The following PTPRQ variants were observed in gnomAD, a reference collection of about 807,000 sequenced individuals.
The protein encoded by PTPRQ is protein tyrosine phosphatase receptor type Q.
PTPRQ carries 199 observed loss-of-function variants against 246.0 expected under a neutral mutation model. That is an observed-to-expected ratio of 0.81 (90% CI 0.72 to 0.91). PTPRQ has a LOEUF of 0.91. Ranked by LOEUF, PTPRQ falls within the 40% of genes least tolerant of loss-of-function variation. The pLI is 0.00. For missense variants in PTPRQ, 2,624 were observed against 2,528.4 expected, an observed-to-expected ratio of 1.04 and a Z score of -0.81; for synonymous variants, 869 against 853.2, an observed-to-expected ratio of 1.02 and a Z score of -0.32.
chr12:80,575,422 C>CA (rs934160900), intron 25 of PTPRQ, among the ~76,000 whole-genome samples: 68 of 145,076 alleles, frequency 4.7e-4, no homozygotes, highest in South Asian at 2.0e-3. Flanking sequence ...CCCGTTAGTA[C>CA]AAAAAAAAAA....
chr12:80,598,580 C>T (rs1201612062), intron 26 of PTPRQ, among the ~76,000 whole-genome samples: 1 of 151,896 alleles, frequency 6.6e-6, no homozygotes, highest in African/African-American at 2.4e-5. Flanking sequence ...GAGTCAAAGT[C>T]GACTTGTAGT....
At chr12:80,488,012 A>C (rs1171790162) in intron 9 of PTPRQ, among the ~76,000 whole-genome samples, 2 of 151,228 alleles carry the variant, frequency 1.3e-5, no homozygotes, top group Non-Finnish European at 2.9e-5. Context: ...GTTTTGGCAG[A>C]TTTTATTTCC....
At chr12:80,449,554 A>C (rs1427137260) in intron 3 of PTPRQ, among the ~76,000 whole-genome samples, 2 of 151,986 alleles carry the variant, frequency 1.3e-5, no homozygotes, top group Non-Finnish European at 2.9e-5. Flanking sequence ...ATTTTTGTAT[A>C]AGGTGTAAGG....
chr12:80,460,620 T>C (rs1893130553), intron 5 of PTPRQ, 33 bp from the exon 6 acceptor site: 3 of 398,372 alleles, frequency 7.5e-6, no homozygotes, highest in Non-Finnish European at 1.3e-5. Flanking sequence ...AGATACAACA[T>C]TATTTCTCTA....
intron 33 of PTPRQ, among the ~76,000 whole-genome samples, chr12:80,627,443 A>G (rs1899249755): frequency 6.6e-6 from 1 of 151,180 alleles, no homozygotes; most frequent in South Asian, 2.1e-4. Flanking sequence ...AGGGAGAAAT[A>G]AGGAGGAAAA....
intron 17 of PTPRQ, among the ~76,000 whole-genome samples, chr12:80,512,115 A>G (rs1044861851): frequency 3.3e-5 from 5 of 152,192 alleles, no homozygotes; most frequent in Non-Finnish European, 7.3e-5. Context: ...AAAGAGAAGA[A>G]TCAAAGATGA....
chr12:80,549,741 A>G lies in PTPRQ; in HGVS notation c.4285+7A>G. Reference sequence around the variant, plus strand: ...AGCACACTACCTGAAACAGGTAACTAACGTGAAACAGGTAACTAACATGAA... The same window carrying G: ...AGCACACTACCTGAAACAGGTAACTGACGTGAAACAGGTAACTAACATGAA... On this transcript the variant is annotated splice_region_variant and intron_variant, in intron 25 of 44. Transcript: ENST00000644991. 7.3e-7 allele frequency: 1 copy of G among 1,366,258 alleles called. No individual in the cohort carries two copies. Among genetic ancestry groups the G allele is most frequent in the Non-Finnish European group, 1.0e-6 (1 of 998,136 alleles). The allele number at this position is 1,366,258 out of a possible 1,614,324, so 84.6% of individuals were successfully genotyped here.
At chr12:80,558,221 G>A (rs1896718593) in intron 25 of PTPRQ, among the ~76,000 whole-genome samples, 2 of 142,198 alleles carry the variant, frequency 1.4e-5, no homozygotes, top group South Asian at 2.2e-4. Flanking sequence ...AGTCTGGAGT[G>A]CAGTGGTGCG....
chr12:80,615,397 G>T lies in PTPRQ; in HGVS notation c.5164-803G>T, dbSNP rs531790910. On this transcript the variant is annotated intron_variant, in intron 29 of 44. Transcript: ENST00000644991. ...ATTAAGTAATTCCAATAAACATTTC[G>T]TATACTGAATTGGGTTTATCGAGTA... Among the ~76,000 whole-genome samples the T allele has an allele frequency of 1.1e-4, 16 of 150,946 alleles. No homozygotes were observed. The South Asian group carries it at 2.5e-3, about 24-fold the overall frequency.
intron 39 of PTPRQ, among the ~76,000 whole-genome samples, chr12:80,662,817 C>A (rs1366228528): frequency 3.3e-5 from 5 of 151,958 alleles, no homozygotes; most frequent in African/African-American, 1.2e-4. Context: ...GCTTTAAAAA[C>A]CAGTAAACTC....
intron 33 of PTPRQ, 108 bp downstream of exon 33, chr12:80,622,242 A>C: frequency 1.0e-6 from 1 of 961,558 alleles, no homozygotes. Flanking sequence ...ATATAAACTC[A>C]TTTAAATGTT....
At chr12:80,468,894 T>C in intron 7 of PTPRQ, 56 bp downstream of exon 7, 1 of 1,520,856 alleles carries the variant, frequency 6.6e-7, no homozygotes. Flanking sequence ...TAAAATATGT[T>C]ACCAATATCA....
At chr12:80,660,087 G>T (rs1313612653) in intron 39 of PTPRQ, among the ~76,000 whole-genome samples, 7 of 152,000 alleles carry the variant, frequency 4.6e-5, no homozygotes, top group Non-Finnish European at 1.0e-4. Flanking sequence ...ACTTCCAATT[G>T]AAAGTTTATG....
In PTPRQ at chr12:80,679,076, A is replaced by C; in HGVS notation, c.*53A>C. 6.5e-7 allele frequency: 1 copy of C among 1,530,812 alleles called. No homozygotes were observed. The highest frequency in any genetic ancestry group is 8.8e-7 in the Non-Finnish European group (1 of 1,138,816). 94.8% of individuals were successfully genotyped at this position (1,530,812 alleles called of 1,614,324 possible). A position where few individuals can be genotyped will look rare whatever the true frequency, so the allele number is the denominator to read the frequency against. ...AGAGATTTTTAAATCCCAGGGGCCA[A>C]AGTTACCCCCTCATTCTTCCGAATT... On this transcript the variant is annotated 3_prime_UTR_variant, in exon 45 of 45. Transcript: ENST00000644991.
At chr12:80,623,851 G>A (rs971066295) in intron 33 of PTPRQ, among the ~76,000 whole-genome samples, 1 of 152,026 alleles carries the variant, frequency 6.6e-6, no homozygotes, top group Admixed American at 6.6e-5. Context: ...TAAAAGGGGG[G>A]GAGCGCCAAG....
At chr12:80,648,666 A>G (rs1441561888) in intron 35 of PTPRQ, among the ~76,000 whole-genome samples, 1 of 152,142 alleles carries the variant, frequency 6.6e-6, no homozygotes, top group Non-Finnish European at 1.5e-5. Flanking sequence ...TATAATAACA[A>G]CAACATCTTT....
chr12:80,606,450 C>G (rs1026730245), intron 27 of PTPRQ, among the ~76,000 whole-genome samples: 4 of 150,768 alleles, frequency 2.7e-5, no homozygotes, highest in African/African-American at 9.7e-5. Flanking sequence ...AAAGTCAAAC[C>G]CTTCATATAA....
At position 80,672,467 on chromosome 12, in the gene PTPRQ, G is replaced by A. The variant is rs143861691; in HGVS notation, c.6603-702G>A. Among the ~76,000 whole-genome samples the A allele has an allele frequency of 2.3e-3, 345 of 151,854 alleles. 2 individuals are homozygous for A. The highest frequency in any genetic ancestry group is 0.01 in the Middle Eastern group (3 of 294). On this transcript the variant is annotated intron_variant, in intron 42 of 44. Transcript: ENST00000644991. ...GTTCAAAGTAATATTTATAAGACTA[G>A]ATGAACTTTCAAAAATTTTTTTCGA...
At position 80,669,052 on chromosome 12, in the gene PTPRQ, C is replaced by G. The variant is rs1900879210; in HGVS notation, c.6238C>G (p.Pro2080Ala). 6.5e-7 allele frequency: 1 copy of G among 1,550,286 alleles called. No homozygotes were observed. ...ATTTATTGCTACTCAAGGTCCACTA[C>G]CAGGAACAGTTGGAGATTTTTGGAG... ...NEFIATQGPLPGTVGDFWRMV... is the reference protein window; with the variant it reads ...NEFIATQGPLAGTVGDFWRMV... Residue 2080 changes from proline (P) to alanine (A), a missense_variant, in exon 40 of 45, where the codon CCA becomes GCA. Coordinates refer to ENST00000644991, the MANE Select transcript of PTPRQ (RefSeq NM_001145026.2).
Sources: allele counts gnomAD v4.1 joint callset (sites outside exome capture counted in the v4.1 genomes callset), GRCh38; gene constraint gnomAD v4.1.1; transcripts MANE v1.5; gene names NCBI Gene and HGNC (gene_info 2026-07-23, HGNC 2026-07-21).